Variants in PDE2A observed in about 807,000 individuals in gnomAD.
PDE2A encodes the protein cGMP-dependent 3',5'-cyclic phosphodiesterase.
In PDE2A, 53 loss-of-function variants were observed where a neutral mutation model predicts 133.6. The observed-to-expected ratio is 0.40, with a 90% CI of 0.32 to 0.50. The LOEUF (loss-of-function observed/expected upper bound fraction) is 0.50. PDE2A is among the 20% of genes least tolerant of loss of function. The pLI is 0.73. For synonymous variants in PDE2A, 491 were observed against 490.2 expected, an observed-to-expected ratio of 1.00 and a Z score of -0.02; for missense variants, 796 against 1,232.4, an observed-to-expected ratio of 0.65 and a Z score of 5.30.
chr11:72,588,722 G>T, intron 13 of PDE2A, 62 bp downstream of exon 13: 2 of 1,518,804 alleles, frequency 1.3e-6, no homozygotes, highest in Non-Finnish European at 8.9e-7. Context: ...TGTTACCCTC[G>T]TGGAGCCCTA....
intron 2 of PDE2A, among the ~76,000 whole-genome samples, chr11:72,640,757 T>C (rs1858918784): frequency 6.6e-6 from 1 of 152,018 alleles, no homozygotes; most frequent in Non-Finnish European, 1.5e-5. Context: ...CAACTACATA[T>C]AGAATCCTGT....
chr11:72,668,376 G>A (rs912605724), intron 1 of PDE2A: 1 of 718,670 alleles, frequency 1.4e-6, no homozygotes, highest in Non-Finnish European at 2.6e-6. Flanking sequence ...TTGTGGTGAG[G>A]ATTAAATGAG....
chr11:72,654,659 C>T (rs1008461370), intron 1 of PDE2A, among the ~76,000 whole-genome samples: 6 of 152,176 alleles, frequency 3.9e-5, no homozygotes, highest in African/African-American at 9.7e-5. Context: ...ATTGCTAACA[C>T]TGTTAGCTGC....
intron 2 of PDE2A, among the ~76,000 whole-genome samples, chr11:72,623,090 C>A (rs893460771): frequency 6.6e-6 from 1 of 152,142 alleles, no homozygotes; most frequent in Non-Finnish European, 1.5e-5. Flanking sequence ...CACAGCCCAA[C>A]GTCTCCAAAG....
In PDE2A at chr11:72,578,391, C is replaced by A. The variant is rs1855560107; in HGVS notation, c.2509-52G>T. 1.9e-6 allele frequency: 3 copies of A among 1,574,974 alleles called. No homozygotes were observed. Among genetic ancestry groups the A allele is most frequent in the African/African-American group, 1.3e-5 (1 of 74,158 alleles). On this transcript the variant is annotated intron_variant, in intron 29 of 30. Transcript: ENST00000334456. The surrounding 1 kb of genome is among the most constrained non-coding windows in gnomAD (Gnocchi z 4.2). ...TCCCTCTCATTCCTCCATCGGGTAC[C>A]AGGGTCAGGCTAGTTCAAGCCCTCC... is the stretch of plus-strand genomic sequence containing the variant.
Position 72,585,415 on chromosome 11 carries a change from G to A in PDE2A, c.1242C>T (p.Leu414=), listed in dbSNP as rs764682704. The A allele has an allele frequency of 6.2e-7, 1 of 1,614,140 alleles. No individual in the cohort carries two copies. Among genetic ancestry groups the A allele is most frequent in the African/African-American group, 1.3e-5 (1 of 75,028 alleles). ...TTCTGGCCTCCGTGATGATCTCCTGGAGCAGGACAGAGACGTCATCTGGGG... is the reference window on the plus strand; with the variant it reads ...TTCTGGCCTCCGTGATGATCTCCTGAAGCAGGACAGAGACGTCATCTGGGG... ...FTHLDDVSVL[L]QEIITEARNL... The change falls in exon 16 of 31, where the codon CTC becomes CTT. Residue 414 remains leucine (L), a synonymous_variant. Coordinates refer to ENST00000334456, the MANE Select transcript of PDE2A (RefSeq NM_002599.5).
intron 27 of PDE2A, 111 bp from the exon 28 acceptor site, chr11:72,579,120 T>A: frequency 1.0e-6 from 1 of 972,400 alleles, no homozygotes; most frequent in Non-Finnish European, 1.6e-6. Context: ...GCACCCTTGA[T>A]GGGAGCCAAG....
chr11:72,642,507 CG>C (rs1346567608), intron 1 of PDE2A, 181 bp from the exon 2 acceptor site: 1 of 586,232 alleles, frequency 1.7e-6, no homozygotes, highest in Non-Finnish European at 2.1e-6. Context: ...GCCCCCGGCC[CG>C]CCCCGGCCCC....
intron 27 of PDE2A, 128 bp downstream of exon 27, chr11:72,579,156 G>C: frequency 2.1e-6 from 2 of 932,342 alleles, no homozygotes; most frequent in Admixed American, 1.8e-5. Flanking sequence ...CTGCCTGGGG[G>C]GGGCCGTGCA....
chr11:72,591,329 C>T lies in PDE2A; in HGVS notation c.517G>A (p.Glu173Lys), dbSNP rs747387628. The change falls in exon 7 of 31, where the codon GAG becomes AAG. Residue 173 changes from glutamate to lysine, a missense_variant. By Grantham distance (56) the Glu-to-Lys change is moderately conservative. This residue lies in a region of PDE2A where 417 missense variants were observed against 475.3 expected (regional missense o/e 0.88). Coordinates refer to ENST00000334456, the MANE Select transcript of PDE2A (RefSeq NM_002599.5). ...TCCACCGCCTGCAGGCTCCATTCCT[C>T]ATTATCACTCAGCTGGCCACAGTGC... is the stretch of plus-strand genomic sequence containing the variant. Reference protein sequence around the residue: ...LVHCGQLSDNEEWSLQAVEKH... With the variant: ...LVHCGQLSDNKEWSLQAVEKH... The T allele has an allele frequency of 6.8e-6, 11 of 1,613,902 alleles. No individual in the cohort carries two copies. In the African/African-American group the frequency reaches 1.3e-4, roughly 20 times the overall value.
chr11:72,638,350 A>G (rs550901425), intron 2 of PDE2A, among the ~76,000 whole-genome samples: 1 of 152,314 alleles, frequency 6.6e-6, no homozygotes, highest in South Asian at 2.1e-4. Context: ...AGTTCCAGTC[A>G]CTTGATGATA....
At chr11:72,603,521 C>T (rs529910647) in intron 4 of PDE2A, among the ~76,000 whole-genome samples, 1 of 152,250 alleles carries the variant, frequency 6.6e-6, no homozygotes, top group Non-Finnish European at 1.5e-5. Context: ...TTCCTGCATC[C>T]CTCCCAGGAA....
Position 72,579,512 on chromosome 11 carries a change from ACCCCAC to A in PDE2A, c.2256+16_2256+21del. 3.4e-6 allele frequency: 3 copies of A among 885,616 alleles called. No homozygotes were observed. Among genetic ancestry groups the A allele is most frequent in the Non-Finnish European group, 5.0e-6 (3 of 597,966 alleles). 54.9% of individuals were successfully genotyped at this position (885,616 alleles called of 1,614,324 possible). A position where few individuals can be genotyped will look rare whatever the true frequency, so the allele number is the denominator to read the frequency against. ...AGCTCCCAGCTCCCCCTCAATCCCC[ACCCCAC>A]CCCCAACCCCATCACCTTCCGGGAG... On this transcript the variant is annotated intron_variant, in intron 26 of 30. Coordinates refer to ENST00000334456, the MANE Select transcript of PDE2A (RefSeq NM_002599.5).
At chr11:72,606,199 AC>A (rs1237338126) in intron 3 of PDE2A, among the ~76,000 whole-genome samples, 2 of 151,716 alleles carry the variant, frequency 1.3e-5, no homozygotes, top group African/African-American at 4.8e-5. Flanking sequence ...AGAACTGGCA[AC>A]CCTTCGGGAT....
At chr11:72,638,011 G>C (rs1858778395) in intron 2 of PDE2A, among the ~76,000 whole-genome samples, 1 of 152,152 alleles carries the variant, frequency 6.6e-6, no homozygotes, top group South Asian at 2.1e-4. Flanking sequence ...GCAGGGAGCA[G>C]GTCCCCAGCT....
chr11:72,583,636 C>CA, intron 19 of PDE2A, 121 bp from the exon 20 acceptor site: 1 of 711,572 alleles, frequency 1.4e-6, no homozygotes, highest in Non-Finnish European at 2.5e-6. Context: ...TGGCCCCAGT[C>CA]AAAACCTTCA....
intron 2 of PDE2A, among the ~76,000 whole-genome samples, chr11:72,629,424 T>C (rs1468743771): frequency 6.6e-6 from 1 of 152,220 alleles, no homozygotes; most frequent in Non-Finnish European, 1.5e-5. Context: ...ATCCAGTCTT[T>C]CCTGGCGGGT....
At chr11:72,622,118 G>A (rs1264649095) in intron 2 of PDE2A, among the ~76,000 whole-genome samples, 3 of 152,084 alleles carry the variant, frequency 2.0e-5, no homozygotes, top group Admixed American at 2.0e-4. Flanking sequence ...CTAATCATTA[G>A]GGAAATGCAA....
At chr11:72,583,301 C>G (rs1855804994) in intron 20 of PDE2A, 137 bp downstream of exon 20, 1 of 655,366 alleles carries the variant, frequency 1.5e-6, no homozygotes, top group African/African-American at 1.8e-5. Flanking sequence ...TGGGAGCTGC[C>G]CCTAAGGAGG....
Sources: gnomAD v4.1 joint callset for allele counts (sites outside exome capture counted in the v4.1 genomes callset) on GRCh38, gnomAD v4.1.1 for gene constraint, gnomAD v4.1.1 regional missense constraint, Gnocchi (gnomAD v3.1) non-coding constraint, MANE v1.5 for transcripts, NCBI Gene and HGNC (gene_info 2026-07-23, HGNC 2026-07-21) for gene names.